CCBE1: variants seen among roughly 807,000 people sequenced by gnomAD.
The protein encoded by CCBE1 is collagen and calcium binding EGF domains 1.
Under a neutral mutation model 50.0 loss-of-function variants are expected in CCBE1, and 37 were observed. The ratio of observed to expected loss-of-function variants is 0.74; its 90% CI spans 0.57 to 0.97. The LOEUF (loss-of-function observed/expected upper bound fraction) is 0.97, where lower values mean the gene tolerates loss of function less well. Among genes scored for constraint, CCBE1 ranks in the 50% least tolerant of loss-of-function variants. The pLI is 0.00. For synonymous variants in CCBE1, 234 were observed against 203.7 expected, an observed-to-expected ratio of 1.15 and a Z score of -1.27; for missense variants, 538 against 523.8, an observed-to-expected ratio of 1.03 and a Z score of -0.26.
chr18:59,518,507 T>C (rs772307203), intron 2 of CCBE1, among the ~76,000 whole-genome samples: 3 of 152,242 alleles, frequency 2.0e-5, no homozygotes, highest in Non-Finnish European at 4.4e-5. Flanking sequence ...ATGGATCTTC[T>C]CTTGTCATCA....
At chr18:59,506,340 C>T (rs1316494239) in intron 2 of CCBE1, among the ~76,000 whole-genome samples, 1 of 152,178 alleles carries the variant, frequency 6.6e-6, no homozygotes, top group Non-Finnish European at 1.5e-5. Context: ...CTGAGGATAC[C>T]TAGGTTTCAG....
intron 5 of CCBE1, among the ~76,000 whole-genome samples, chr18:59,456,416 G>A (rs1297899430): frequency 1.3e-5 from 2 of 152,212 alleles, no homozygotes; most frequent in African/African-American, 2.4e-5. Context: ...TATGATGGGT[G>A]TCTTTATACA....
intron 2 of CCBE1, among the ~76,000 whole-genome samples, chr18:59,504,112 A>T (rs1238844260): frequency 6.6e-6 from 1 of 152,200 alleles, no homozygotes; most frequent in African/African-American, 2.4e-5. Flanking sequence ...AAACTGGAGG[A>T]AAAAATGATC....
At chr18:59,658,398 TA>T (rs2054232503) in intron 2 of CCBE1, among the ~76,000 whole-genome samples, 1 of 42,728 alleles carries the variant, frequency 2.3e-5, no homozygotes, top group Non-Finnish European at 4.1e-5. Context: ...TATATATATA[TA>T]TATATATATA....
intron 2 of CCBE1, among the ~76,000 whole-genome samples, chr18:59,623,279 C>T (rs1309225743): frequency 6.6e-6 from 1 of 152,214 alleles, no homozygotes; most frequent in African/African-American, 2.4e-5. Flanking sequence ...CAGTTAACCG[C>T]TGCCATTCTG....
intron 2 of CCBE1, among the ~76,000 whole-genome samples, chr18:59,682,342 C>A (rs974738143): frequency 6.6e-6 from 1 of 152,058 alleles, no homozygotes; most frequent in African/African-American, 2.4e-5. Flanking sequence ...TCCAGCCTGG[C>A]GACAGAGCAA....
chr18:59,647,867 T>C (rs1303477404), intron 2 of CCBE1, among the ~76,000 whole-genome samples: 1 of 152,238 alleles, frequency 6.6e-6, no homozygotes, highest in East Asian at 1.9e-4. Flanking sequence ...AGTGTTCTCA[T>C]GTTGTATGAT....
intron 2 of CCBE1, among the ~76,000 whole-genome samples, chr18:59,590,401 C>T (rs146794921): frequency 5.9e-5 from 9 of 152,236 alleles, no homozygotes; most frequent in African/African-American, 2.2e-4. Context: ...AAAAGATATT[C>T]CTTGTTCTTG....
chr18:59,625,756 C>T (rs937274538), intron 2 of CCBE1, among the ~76,000 whole-genome samples: 1 of 152,036 alleles, frequency 6.6e-6, no homozygotes, highest in African/African-American at 2.4e-5. Context: ...GTCTGAATGT[C>T]CCCCAAAATT....
rs1911778363 is a variant in CCBE1, at chr18:59,466,906, A to AT, written c.401-16dup. 6.2e-7 allele frequency: 1 copy of AT among 1,608,464 alleles called. No homozygotes were observed. The highest frequency in any genetic ancestry group is 1.7e-5 in the Admixed American group (1 of 59,942). ...CTCATCAATATCTGGTTTGAACCAA[A>AT]TGTAGAGAATACTAAGTTTCTGAGA... On this transcript the variant is annotated splice_polypyrimidine_tract_variant and intron_variant, in intron 4 of 10. Coordinates refer to ENST00000439986, the MANE Select transcript of CCBE1 (RefSeq NM_133459.4).
At position 59,672,828 on chromosome 18, in the gene CCBE1, C is replaced by T. The variant is rs2054452281; in HGVS notation, c.212+23801G>A. ...GAACTAAACTATGAGGATGCAAAGG[C>T]ATAAGACTTTGGGGACTGCGGTGGG... On this transcript the variant is annotated intron_variant, in intron 2 of 10. Coordinates refer to ENST00000439986, the MANE Select transcript of CCBE1 (RefSeq NM_133459.4). 2.6e-5 allele frequency among the ~76,000 whole-genome samples: 4 copies of T among 152,012 alleles called. No individual in the cohort carries two copies. In the South Asian group the frequency reaches 8.3e-4, roughly 32 times the overall value.
intron 2 of CCBE1, among the ~76,000 whole-genome samples, chr18:59,586,162 T>C (rs902482153): frequency 6.6e-6 from 1 of 152,202 alleles, no homozygotes; most frequent in African/African-American, 2.4e-5. Flanking sequence ...ACTTTAGTCA[T>C]AAGAGATTTC....
intron 2 of CCBE1, among the ~76,000 whole-genome samples, chr18:59,531,253 A>C (rs961378257): frequency 8.2e-6 from 1 of 121,952 alleles, no homozygotes; most frequent in African/African-American, 3.3e-5. Context: ...AGACACTGGA[A>C]ATCCTGCCTC....
intron 2 of CCBE1, among the ~76,000 whole-genome samples, chr18:59,589,640 A>T (rs2053230495): frequency 6.8e-6 from 1 of 147,990 alleles, no homozygotes; most frequent in Admixed American, 6.6e-5. Context: ...CTAAAAATAC[A>T]AAAACAAAAT....
At chr18:59,513,299 G>A (rs6567094) in intron 2 of CCBE1, among the ~76,000 whole-genome samples, 99,236 of 151,910 alleles carry the variant, frequency 0.65, 33,382 homozygotes, top group African/African-American at 0.82. Context: ...CAGAGAGACT[G>A]TCTCAAAAAA....
chr18:59,515,763 G>A (rs953089249), intron 2 of CCBE1, among the ~76,000 whole-genome samples: 1 of 152,124 alleles, frequency 6.6e-6, no homozygotes, highest in Non-Finnish European at 1.5e-5. Flanking sequence ...AGGCTACCTT[G>A]GTTCATTTCC....
intron 3 of CCBE1, among the ~76,000 whole-genome samples, chr18:59,477,565 T>TGTGTGTGTGTGTGC (rs398059300): frequency 4.2e-4 from 61 of 146,196 alleles, no homozygotes; most frequent in Middle Eastern, 3.5e-3. Flanking sequence ...TGTGTGTGTG[T>TGTGTGTGTGTGTGC]GCACCTGCAT....
At chr18:59,439,870 C>T (rs1263954140) in intron 7 of CCBE1, 54 bp from the exon 8 acceptor site, 3 of 1,603,540 alleles carry the variant, frequency 1.9e-6, no homozygotes, top group South Asian at 2.2e-5. Flanking sequence ...GACAAAGGGC[C>T]CTGGCTAACA....
chr18:59,645,127 G>GGGTA lies in CCBE1; in HGVS notation c.212+51501_212+51502insTACC, dbSNP rs1568251108. Among the ~76,000 whole-genome samples the GGGTA allele has an allele frequency of 5.3e-4, 80 of 152,202 alleles. 1 individual carries two copies. In the East Asian group the frequency reaches 0.013, roughly 25 times the overall value. ...AAATTAGCCAGGTGTGGTGGCACAC[G>GGGTA]CCTGTAATCCCAGCTACTCAGGAGG... On this transcript the variant is annotated intron_variant, in intron 2 of 10. Coordinates refer to ENST00000439986, the MANE Select transcript of CCBE1 (RefSeq NM_133459.4).
Sources: allele counts gnomAD v4.1 joint callset (sites outside exome capture counted in the v4.1 genomes callset), GRCh38; gene constraint gnomAD v4.1.1; transcripts MANE v1.5; gene names NCBI Gene and HGNC (gene_info 2026-07-23, HGNC 2026-07-21).